The following MTAP variants were observed in gnomAD, a reference collection of about 807,000 sequenced individuals.
The protein encoded by MTAP is methylthioadenosine phosphorylase.
MTAP carries 33 observed loss-of-function variants against 33.6 expected under a neutral mutation model. The ratio of observed to expected loss-of-function variants is 0.98; its 90% CI spans 0.74 to 1.31. The LOEUF (loss-of-function observed/expected upper bound fraction) is 1.31. Ranked by LOEUF, MTAP falls within the 40% of genes most tolerant of loss-of-function variation. The pLI is 0.00. For missense variants in MTAP, 367 were observed against 360.0 expected (o/e 1.02, Z -0.16); for synonymous variants, 148 against 125.7 (o/e 1.18, Z -1.19).
downstream of MTAP, among the ~76,000 whole-genome samples, chr9:21,868,692 G>T (rs1045353403): frequency 6.6e-6 from 1 of 152,098 alleles, no homozygotes; most frequent in African/African-American, 2.4e-5. Flanking sequence ...TTCAGCAGGT[G>T]ACTTTAGTTC....
intron 1 of MTAP, among the ~76,000 whole-genome samples, chr9:21,896,877 C>T (rs555036553): frequency 9.9e-5 from 15 of 152,252 alleles, no homozygotes; most frequent in Admixed American, 2.6e-4. Flanking sequence ...CCCTAACTCA[C>T]TTTATGAGGC....
At chr9:21,933,703 G>A (rs1049829931), downstream of MTAP, 15 of 152,124 alleles carry the variant, frequency 9.9e-5, no homozygotes, top group Non-Finnish European at 2.1e-4. Context: ...AATTCTTTAT[G>A]AACTGTTTTT....
At position 21,862,961 on chromosome 9, in the gene MTAP, A is replaced by G; in HGVS notation, c.*947A>G. The G allele has an allele frequency of 3.0e-6, 3 of 983,738 alleles. No individual in the cohort carries two copies. Among genetic ancestry groups the G allele is most frequent in the Non-Finnish European group, 3.6e-6 (3 of 828,440 alleles). 60.9% of individuals were successfully genotyped at this position (983,738 alleles called of 1,614,324 possible). A position where few individuals can be genotyped will look rare whatever the true frequency, so the allele number is the denominator to read the frequency against. On this transcript the variant is annotated 3_prime_UTR_variant, in exon 8 of 8. Transcript: ENST00000644715. ...ATTTAGAAAGATCCAGTTCTTGAAA[A>G]CACTGTTTCTGGTAATGAAGCAGAA...
downstream of MTAP, among the ~76,000 whole-genome samples, chr9:21,869,185 A>G (rs879616456): frequency 1.3e-5 from 2 of 152,076 alleles, no homozygotes; most frequent in Non-Finnish European, 2.9e-5. Context: ...ATTGGCATAA[A>G]ATCCCTCGAG....
At chr9:21,894,194 T>C (rs1167417478) in intron 1 of MTAP, among the ~76,000 whole-genome samples, 3 of 139,786 alleles carry the variant, frequency 2.1e-5, no homozygotes. Context: ...TTGATAAAAT[T>C]CAACATCCTT....
At chr9:21,841,302 C>G (rs189209203) in intron 5 of MTAP, among the ~76,000 whole-genome samples, 13 of 152,354 alleles carry the variant, frequency 8.5e-5, no homozygotes, top group Non-Finnish European at 1.8e-4. Flanking sequence ...AGTGCCACCT[C>G]CTGGCTGGAG....
intron 5 of MTAP, among the ~76,000 whole-genome samples, chr9:21,854,076 A>C (rs1825577529): frequency 6.6e-6 from 1 of 152,242 alleles, no homozygotes; most frequent in African/African-American, 2.4e-5. Context: ...AACAATCAGC[A>C]CAACTCTGTG....
chr9:21,895,766 G>T (rs1278933089), intron 1 of MTAP, among the ~76,000 whole-genome samples: 2 of 152,188 alleles, frequency 1.3e-5, no homozygotes, highest in South Asian at 2.1e-4. Context: ...TGGGGGAGGG[G>T]TGTCTGCCAT....
intron 5 of MTAP, among the ~76,000 whole-genome samples, chr9:21,854,060 C>T (rs531533444): frequency 6.6e-6 from 1 of 152,198 alleles, no homozygotes; most frequent in African/African-American, 2.4e-5. Context: ...TCCCTGTGAA[C>T]AGAAAAACAA....
intron 7 of MTAP, 142 bp from the exon 8 acceptor site, chr9:21,861,834 A>T (rs948748414): frequency 6.0e-6 from 4 of 665,726 alleles, no homozygotes; most frequent in African/African-American, 5.5e-5. Flanking sequence ...GAACTTGAAA[A>T]TTTTCTGTAG....
chr9:21,815,356 A>G (rs1486956651), intron 1 of MTAP, 77 bp from the exon 2 acceptor site: 2 of 1,037,294 alleles, frequency 1.9e-6, no homozygotes, highest in African/African-American at 3.3e-5. Flanking sequence ...GCATATGAAT[A>G]AATGAATTTG....
At chr9:21,927,413 G>T (rs1402569321) in intron 1 of MTAP, among the ~76,000 whole-genome samples, 2 of 152,132 alleles carry the variant, frequency 1.3e-5, no homozygotes, top group African/African-American at 4.8e-5. Flanking sequence ...ACTGACAACA[G>T]ACTGCTAAAC....
At chr9:21,935,103 G>A (rs1474198541), downstream of MTAP, 1 of 152,054 alleles carries the variant, frequency 6.6e-6, no homozygotes, top group African/African-American at 2.4e-5. Flanking sequence ...GACTAGCTTT[G>A]TCTGTCTAAT....
intron 5 of MTAP, among the ~76,000 whole-genome samples, chr9:21,851,996 A>G (rs1462266315): frequency 3.3e-5 from 5 of 152,162 alleles, no homozygotes; most frequent in African/African-American, 1.2e-4. Flanking sequence ...AATACTTAAT[A>G]AACTCCCCTT....
chr9:21,848,285 T>C lies in MTAP; in HGVS notation c.451-6346T>C, dbSNP rs112585096. Among the ~76,000 whole-genome samples, 1,457 of 152,188 alleles carry C rather than the reference T, an allele frequency of 9.6e-3. 21 individuals are homozygous for C. The highest frequency in any genetic ancestry group is 0.033 in the African/African-American group (1,384 of 41,538). Reference sequence around the variant, plus strand: ...GAGGTTGAGATTGTGACCCATGAGGTGGTGTGCTACACTCAAAAAGAACCG... The same window carrying C: ...GAGGTTGAGATTGTGACCCATGAGGCGGTGTGCTACACTCAAAAAGAACCG... On this transcript the variant is annotated intron_variant, in intron 5 of 7. Transcript: ENST00000644715.
intron 1 of MTAP, among the ~76,000 whole-genome samples, chr9:21,903,760 A>G (rs1265077139): frequency 6.6e-6 from 1 of 152,264 alleles, no homozygotes; most frequent in South Asian, 2.1e-4. Flanking sequence ...AGGGAAGCAT[A>G]CAGATGGGCA....
chr9:21,832,079 A>T (rs750680928), intron 4 of MTAP, among the ~76,000 whole-genome samples: 6 of 152,174 alleles, frequency 3.9e-5, no homozygotes, highest in Admixed American at 6.5e-5. Flanking sequence ...AAGTTCTGGT[A>T]TCCTCCCCTC....
At chr9:21,886,217 G>C (rs1818108863) in intron 1 of MTAP, among the ~76,000 whole-genome samples, 1 of 151,390 alleles carries the variant, frequency 6.6e-6, no homozygotes, top group Non-Finnish European at 1.5e-5. Context: ...ACAATATTGA[G>C]CATTTTTTCA....
chr9:21,859,473 G>A (rs1355983355), intron 7 of MTAP, 48 bp downstream of exon 7: 1 of 1,543,258 alleles, frequency 6.5e-7, no homozygotes. Flanking sequence ...ACTCTCTATT[G>A]TCTTCTTTTC....
Sources: allele counts gnomAD v4.1 joint callset (sites outside exome capture counted in the v4.1 genomes callset), GRCh38; gene constraint gnomAD v4.1.1; transcripts MANE v1.5; gene names NCBI Gene and HGNC (gene_info 2026-07-23, HGNC 2026-07-21).